Variants in PRR14L observed in about 807,000 individuals in gnomAD.
PRR14L encodes the protein protein PRR14L.
PRR14L carries 80 observed loss-of-function variants against 155.0 expected under a neutral mutation model. The ratio of observed to expected loss-of-function variants is 0.52; its 90% confidence interval spans 0.43 to 0.62. The LOEUF (loss-of-function observed/expected upper bound fraction) is 0.62. Among genes scored for constraint, PRR14L ranks in the 20% least tolerant of loss-of-function variants. The pLI is 0.00. For missense variants in PRR14L, 2,469 were observed against 2,548.0 expected (o/e 0.97, Z 0.67); for synonymous variants, 883 against 916.0 (o/e 0.96, Z 0.65).
chr22:31,721,871 G>C (rs762207978), intron 3 of PRR14L, among the ~76,000 whole-genome samples: 1 of 152,138 alleles, frequency 6.6e-6, no homozygotes, highest in Non-Finnish European at 1.5e-5. Flanking sequence ...TAATTTGATA[G>C]TACTGACAGT....
chr22:31,695,590 C>G (rs2074531665), intron 7 of PRR14L, among the ~76,000 whole-genome samples: 1 of 152,150 alleles, frequency 6.6e-6, no homozygotes, highest in Non-Finnish European at 1.5e-5. Flanking sequence ...TCCTGATGGT[C>G]ATTTCCTGTC....
chr22:31,739,899 T>C (rs1336333925), intron 1 of PRR14L, among the ~76,000 whole-genome samples: 1 of 152,138 alleles, frequency 6.6e-6, no homozygotes, highest in East Asian at 1.9e-4. Context: ...CCCAGTTTAG[T>C]GTACCAAACA....
At chr22:31,709,933 T>A (rs1292906031) in intron 4 of PRR14L, among the ~76,000 whole-genome samples, 1 of 151,898 alleles carries the variant, frequency 6.6e-6, no homozygotes, top group East Asian at 1.9e-4. Context: ...GTAGCCAGCC[T>A]GTTGTTTTTT....
intron 1 of PRR14L, among the ~76,000 whole-genome samples, chr22:31,741,252 CAA>C (rs139593821): frequency 1.9e-4 from 5 of 25,692 alleles, no homozygotes; most frequent in African/African-American, 8.2e-4. Context: ...GGCTCTGTCT[CAA>C]AAAAAAAAAA....
intron 1 of PRR14L, among the ~76,000 whole-genome samples, chr22:31,746,076 C>T (rs186929892): frequency 1.1e-4 from 17 of 151,868 alleles, no homozygotes; most frequent in African/African-American, 3.9e-4. Context: ...ACTACAGGCG[C>T]GAGGCAGTGA....
chr22:31,715,891 A>AT lies in PRR14L; in HGVS notation c.1947dup (p.Cys650MetfsTer10), dbSNP rs1287811253. On this transcript the variant is annotated frameshift_variant, in exon 4 of 9. Coordinates refer to ENST00000327423, the MANE Select transcript of PRR14L (RefSeq NM_173566.3). LOFTEE classifies it high-confidence loss of function. ...AGGGACACTTGTTGATTTAAAACACATTCACTTTCTACTTTGTTTACAACC... is the reference window on the plus strand; with the variant it reads ...AGGGACACTTGTTGATTTAAAACACATTTCACTTTCTACTTTGTTTACAACC... 6.4e-7 allele frequency: 1 copy of AT among 1,551,666 alleles called. No homozygotes were observed. The highest frequency in any genetic ancestry group is 1.2e-5 in the South Asian group (1 of 84,060).
rs372061683 is a variant in PRR14L, at chr22:31,712,145, G to A, written c.5694C>T (p.Phe1898=). 2.4e-5 allele frequency: 38 copies of A among 1,613,940 alleles called. No homozygotes were observed. Among genetic ancestry groups the A allele is most frequent in the Admixed American group, 3.3e-5 (2 of 59,980 alleles). Residue 1898 remains phenylalanine (F), a synonymous_variant, in exon 4 of 9, where the codon TTC becomes TTT. Coordinates refer to ENST00000327423, the MANE Select transcript of PRR14L (RefSeq NM_173566.3). The part of the protein sequence containing the change: ...WSQHGPSVCS[F]EISSLHSPHC... ...GAGGGGAATGAAGAGAAGAGATTTC[G>A]AAGGAGCAGACAGAAGGACCATGCT...
At chr22:31,734,396 C>T (rs965370768) in intron 2 of PRR14L, among the ~76,000 whole-genome samples, 1 of 152,236 alleles carries the variant, frequency 6.6e-6, no homozygotes, top group African/African-American at 2.4e-5. Flanking sequence ...AATTTGTCAG[C>T]TGTCTTTTGA....
At chr22:31,689,577 T>G (rs1255030558) in intron 7 of PRR14L, among the ~76,000 whole-genome samples, 1 of 152,106 alleles carries the variant, frequency 6.6e-6, no homozygotes, top group Admixed American at 6.6e-5. Flanking sequence ...AGACCAGTTT[T>G]TTTTTGAGAC....
Position 31,704,670 on chromosome 22 carries a change from C to T in PRR14L, c.5813G>A (p.Ser1938Asn). ...ATGTGCTTACCTCGTCTGACTGCCG[C>T]TGGTGTTATATGTAGCTTCCATGCC... ...LPGMEATYNT[S>N]GSQTRLEPPF... The change falls in exon 5 of 9, where the codon AGC becomes AAC. Residue 1938 changes from serine to asparagine, a missense_variant. Ser to Asn is a conservative substitution (Grantham distance 46). Around this residue, in one of 2 missense-constraint regions of PRR14L, gnomAD observed 2,363 missense variants for 2,371.6 expected, o/e 1.00. Coordinates refer to ENST00000327423, the MANE Select transcript of PRR14L (RefSeq NM_173566.3). The T allele has an allele frequency of 6.2e-7, 1 of 1,613,926 alleles. No homozygotes were observed. The highest frequency in any genetic ancestry group is 8.5e-7 in the Non-Finnish European group (1 of 1,179,910).
intron 2 of PRR14L, among the ~76,000 whole-genome samples, chr22:31,729,912 G>A (rs769965819): frequency 6.6e-6 from 1 of 152,032 alleles, no homozygotes; most frequent in Non-Finnish European, 1.5e-5. Context: ...GGTGGTTCAC[G>A]CCTGTAATCC....
chr22:31,715,611 T>C lies in PRR14L; in HGVS notation c.2228A>G (p.Lys743Arg), dbSNP rs2074653226. The stretch of plus-strand genomic sequence containing the variant: ...TGTTCCTGAATCAGCCATTTCCTTT[T>C]TTCTCTCTAGGCTTACTGGTTTGAT... ...LNIKPVSLER[K>R]KEMADSGTKA... Residue 743 changes from lysine to arginine, a missense_variant, in exon 4 of 9, where the codon AAA becomes AGA. Lys to Arg is a conservative substitution (Grantham distance 26). Coordinates refer to ENST00000327423, the MANE Select transcript of PRR14L (RefSeq NM_173566.3). 1 of 1,551,964 alleles carries C rather than the reference T, an allele frequency of 6.4e-7. No individual in the cohort carries two copies.
chr22:31,688,424 T>TA (rs879721879), intron 7 of PRR14L, among the ~76,000 whole-genome samples, 197 bp from the exon 8 acceptor site: 67 of 144,920 alleles, frequency 4.6e-4, no homozygotes, highest in East Asian at 1.2e-3. Flanking sequence ...CAGGCTAGAT[T>TA]AAAAAAAAAA....
chr22:31,736,003 A>C (rs1376708151), intron 2 of PRR14L, among the ~76,000 whole-genome samples: 1 of 149,822 alleles, frequency 6.7e-6, no homozygotes, highest in Non-Finnish European at 1.5e-5. Flanking sequence ...CAGTGAGCTG[A>C]GATTGTGCCA....
chr22:31,682,778 A>G lies in PRR14L; in HGVS notation c.*2749T>C, dbSNP rs952934022. 6.6e-6 allele frequency: 1 copy of G among 152,096 alleles called. No homozygotes were observed. Among genetic ancestry groups the G allele is most frequent in the East Asian group, 1.9e-4 (1 of 5,180 alleles). 9.4% of individuals were successfully genotyped at this position (152,096 alleles called of 1,614,324 possible). On this transcript the variant is annotated 3_prime_UTR_variant, in exon 9 of 9. Transcript: ENST00000327423. ...CTTGGGGAGGGAAGTTCCCATACTC[A>G]GAAACTGTACCAACTCCACCCCAGA...
intron 7 of PRR14L, among the ~76,000 whole-genome samples, chr22:31,693,158 T>C (rs1486583889): frequency 2.6e-5 from 4 of 152,174 alleles, no homozygotes; most frequent in African/African-American, 9.7e-5. Flanking sequence ...TCTATGAGTT[T>C]TGACAAACAC....
In PRR14L at chr22:31,712,702, C is replaced by G; in HGVS notation, c.5137G>C (p.Gly1713Arg). Reference protein sequence around the residue: ...LSNKMPSLLFGSEIFPVSFHV... With the variant: ...LSNKMPSLLFRSEIFPVSFHV... ...AAGGATACTGGGAAGATTTCAGAACCAAACAGCAGGGACGGCATCTTGTTG... is the reference window on the plus strand; with the variant it reads ...AAGGATACTGGGAAGATTTCAGAACGAAACAGCAGGGACGGCATCTTGTTG... The change falls in exon 4 of 9, where the codon GGT becomes CGT. Residue 1713 changes from glycine (G) to arginine (R), a missense_variant. Gly to Arg is a moderately radical substitution (Grantham distance 125). Transcript: ENST00000327423. The G allele has an allele frequency of 6.4e-7, 1 of 1,551,692 alleles. No homozygotes were observed. Among genetic ancestry groups the G allele is most frequent in the Non-Finnish European group, 8.7e-7 (1 of 1,146,984 alleles).
chr22:31,724,289 A>G (rs2074705709), intron 3 of PRR14L, among the ~76,000 whole-genome samples: 1 of 152,236 alleles, frequency 6.6e-6, no homozygotes, highest in African/African-American at 2.4e-5. Flanking sequence ...ATGCACTTGA[A>G]TCATCCTAAA....
intron 2 of PRR14L, among the ~76,000 whole-genome samples, chr22:31,727,382 C>G (rs547828069): frequency 2.6e-5 from 4 of 151,760 alleles, no homozygotes; most frequent in African/African-American, 4.8e-5. Context: ...TACAGGTGCA[C>G]GCCGCCACAC....
Sources: allele counts gnomAD v4.1 joint callset (sites outside exome capture counted in the v4.1 genomes callset), GRCh38; gene constraint gnomAD v4.1.1; regional missense constraint gnomAD v4.1.1; transcripts MANE v1.5; gene names NCBI Gene and HGNC (gene_info 2026-07-23, HGNC 2026-07-21).